The following POP1 variants were observed in gnomAD, a reference collection of about 807,000 sequenced individuals.
POP1 encodes ribonucleases P/MRP protein subunit POP1.
Under a neutral mutation model 102.2 loss-of-function variants are expected in POP1, and 75 were observed. That is an observed-to-expected ratio of 0.73 (90% CI 0.61 to 0.89). The LOEUF (loss-of-function observed/expected upper bound fraction) is 0.89, where lower values mean the gene tolerates loss of function less well. POP1 is among the 40% of genes least tolerant of loss of function. The pLI, the probability that POP1 is intolerant of heterozygous loss-of-function variation, is 0.00. For missense variants in POP1, 1,116 were observed against 1,267.4 expected (o/e 0.88, Z 1.81); for synonymous variants, 436 against 464.1 (o/e 0.94, Z 0.78).
intron 10 of POP1, among the ~76,000 whole-genome samples, 166 bp from the exon 11 acceptor site, chr8:98,140,603 T>A (rs1349359545): frequency 6.6e-6 from 1 of 152,216 alleles, no homozygotes; most frequent in African/African-American, 2.4e-5. Context: ...TTATGAATGT[T>A]AACTTATTCT....
intron 14 of POP1, among the ~76,000 whole-genome samples, chr8:98,153,829 C>T (rs1274382517): frequency 6.6e-6 from 1 of 152,140 alleles, no homozygotes; most frequent in African/African-American, 2.4e-5. Flanking sequence ...AGTCACCGTG[C>T]CCGGCCCTGG....
Position 98,134,467 on chromosome 8 carries a change from G to A in POP1, c.824-5G>A, listed in dbSNP as rs1364580205. ...ATTATGGAATTTTGCTTTTGTTGATGTCAGGGCTGACGTTTGCAGCAGTTC... is the reference window on the plus strand; with the variant it reads ...ATTATGGAATTTTGCTTTTGTTGATATCAGGGCTGACGTTTGCAGCAGTTC... On this transcript the variant is annotated splice_region_variant and splice_polypyrimidine_tract_variant and intron_variant, in intron 6 of 15. Coordinates refer to ENST00000401707, the MANE Select transcript of POP1 (RefSeq NM_001145860.2). The A allele has an allele frequency of 1.9e-6, 3 of 1,613,858 alleles. No individual in the cohort carries two copies. The highest frequency in any genetic ancestry group is 2.2e-5 in the East Asian group (1 of 44,902).
Position 98,156,312 on chromosome 8 carries a change from G to A in POP1, c.2320G>A (p.Asp774Asn), listed in dbSNP as rs747674487. The change falls in exon 15 of 16, where the codon GAT (aspartate) becomes AAT (asparagine). Residue 774 changes from aspartate (D) to asparagine (N), a missense_variant. Coordinates refer to ENST00000401707, the MANE Select transcript of POP1 (RefSeq NM_001145860.2). ...EHPREAEEVMDAGCQESAGPE... is the reference protein window; with the variant it reads ...EHPREAEEVMNAGCQESAGPE... ...CCCCAGGGAGGCAGAGGAGGTAATG[G>A]ATGCAGGGTGTCAAGAATCGGCAGG... 6 of 1,614,060 alleles carry A rather than the reference G, an allele frequency of 3.7e-6. No individual in the cohort carries two copies. In the Admixed American group the frequency reaches 1.0e-4, roughly 27 times the overall value.
At chr8:98,140,742 G>A (rs1367347379) in intron 10 of POP1, 27 bp from the exon 11 acceptor site, 1 of 1,612,008 alleles carries the variant, frequency 6.2e-7, no homozygotes, top group East Asian at 2.2e-5. Context: ...ATGACTTTCT[G>A]TAAACTTCTT....
chr8:98,137,376 C>T (rs1816576215), intron 9 of POP1, among the ~76,000 whole-genome samples: 1 of 151,720 alleles, frequency 6.6e-6, no homozygotes, highest in African/African-American at 2.4e-5. Context: ...GATCTTGGTT[C>T]ACTGCACCCT....
intron 14 of POP1, among the ~76,000 whole-genome samples, chr8:98,155,711 G>T (rs949994765): frequency 6.6e-6 from 1 of 151,668 alleles, no homozygotes; most frequent in African/African-American, 2.4e-5. Flanking sequence ...CCTCCCAGTA[G>T]TTGGGATTAT....
rs773355369 is a variant in POP1, at chr8:98,146,606, C to T, written c.1633C>T (p.Pro545Ser). ...TAGACAGCTGCTTCTGGAGGGTGTG[C>T]CTGTGGAATGTACGCATAGCTTTAT... is the stretch of plus-strand genomic sequence containing the variant. ...KVRQLLLEGVPVECTHSFIWN... is the reference protein window; with the variant it reads ...KVRQLLLEGVSVECTHSFIWN... The change falls in exon 12 of 16, where the codon CCT becomes TCT. Residue 545 changes from proline to serine, a missense_variant. Pro to Ser is a moderately conservative substitution (Grantham distance 74, BLOSUM62 -1). Coordinates refer to ENST00000401707, the MANE Select transcript of POP1 (RefSeq NM_001145860.2). The T allele has an allele frequency of 1.2e-6, 2 of 1,613,920 alleles. No individual in the cohort carries two copies. The highest frequency in any genetic ancestry group is 1.1e-5 in the South Asian group (1 of 91,080).
intron 13 of POP1, among the ~76,000 whole-genome samples, chr8:98,149,746 ACT>A (rs1317976701): frequency 6.6e-6 from 1 of 151,972 alleles, no homozygotes; most frequent in Non-Finnish European, 1.5e-5. Flanking sequence ...ACAGAGCGAG[ACT>A]CTGTCTCAAA....
At chr8:98,128,329 A>G in intron 3 of POP1, 36 bp from the exon 4 acceptor site, 2 of 1,603,244 alleles carry the variant, frequency 1.2e-6, no homozygotes, top group Non-Finnish European at 1.7e-6. Context: ...TTAATTCAAG[A>G]TTGGTGTTTA....
intron 15 of POP1, among the ~76,000 whole-genome samples, chr8:98,156,817 C>T (rs762452018): frequency 4.8e-4 from 73 of 151,966 alleles, no homozygotes; most frequent in Admixed American, 2.5e-3. Flanking sequence ...GAGAGGCTAC[C>T]GGATACACTA....
intron 1 of POP1, among the ~76,000 whole-genome samples, chr8:98,121,587 G>A (rs535760062): frequency 2.8e-5 from 4 of 142,470 alleles, no homozygotes; most frequent in East Asian, 2.0e-4. Flanking sequence ...TGATCATCTC[G>A]GCTCAATGCA....
intron 15 of POP1, among the ~76,000 whole-genome samples, chr8:98,157,257 ATTCT>A (rs1420996792): frequency 2.0e-5 from 3 of 152,066 alleles, no homozygotes; most frequent in Non-Finnish European, 2.9e-5. Context: ...ATTTCCTATC[ATTCT>A]TTCTTACTTT....
At chr8:98,139,383 G>A (rs1236327109) in intron 9 of POP1, among the ~76,000 whole-genome samples, 1 of 152,096 alleles carries the variant, frequency 6.6e-6, no homozygotes, top group African/African-American at 2.4e-5. Flanking sequence ...TTTTCCTTTG[G>A]TGAGGAACAT....
chr8:98,117,334 G>T lies in POP1; in HGVS notation c.-59G>T. On this transcript the variant is annotated 5_prime_UTR_variant, in exon 1 of 16. Transcript: ENST00000401707. ...GCTCTCCAGGAGCTTTGGCTCGGTG[G>T]GTACTGTCGCGGAGGCTTGTCATTC... The T allele has an allele frequency of 1.8e-6, 1 of 554,362 alleles. No individual in the cohort carries two copies. Among genetic ancestry groups the T allele is most frequent in the Non-Finnish European group, 3.2e-6 (1 of 309,238 alleles). The allele number at this position is 554,362 out of a possible 1,614,324, so 34.3% of individuals were successfully genotyped here.
intron 1 of POP1, among the ~76,000 whole-genome samples, chr8:98,122,610 A>G (rs2130574285): frequency 6.6e-6 from 1 of 152,322 alleles, no homozygotes; most frequent in Admixed American, 6.5e-5. Context: ...CCTGGGTTCA[A>G]AATCTATTCA....
At chr8:98,138,847 CTTTTTTTT>C (rs369408285) in intron 9 of POP1, among the ~76,000 whole-genome samples, 5,442 of 130,852 alleles carry the variant, frequency 0.042, 138 homozygotes, top group Middle Eastern at 0.18. Flanking sequence ...GTTATGATTG[CTTTTTTTT>C]TTTTTTTTTT....
chr8:98,130,564 A>G (rs141124552), intron 5 of POP1, among the ~76,000 whole-genome samples: 15 of 152,290 alleles, frequency 9.8e-5, no homozygotes, highest in African/African-American at 3.6e-4. Context: ...GGGGGAAGGC[A>G]GAAGGAAGCC....
At chr8:98,140,731 A>C in intron 10 of POP1, 38 bp from the exon 11 acceptor site, 1 of 1,605,064 alleles carries the variant, frequency 6.2e-7, no homozygotes, top group Non-Finnish European at 8.5e-7. Context: ...ATGTATTATG[A>C]ATGACTTTCT....
rs569918587 is a variant in POP1, at chr8:98,124,446, C to T, written c.142+967C>T. Among the ~76,000 whole-genome samples, 90 of 152,184 alleles carry T rather than the reference C, an allele frequency of 5.9e-4. 1 individual carries two copies. The highest frequency in any genetic ancestry group is 2.1e-3 in the African/African-American group (88 of 41,534). On this transcript the variant is annotated intron_variant, in intron 2 of 15. Coordinates refer to ENST00000401707, the MANE Select transcript of POP1 (RefSeq NM_001145860.2). ...ACATGGTGGTGTGTGCCTGTAGTCC[C>T]TGCCACTTGGGAGGCTGAGGCAGGA...
Sources: allele counts gnomAD v4.1 joint callset (sites outside exome capture counted in the v4.1 genomes callset), GRCh38; gene constraint gnomAD v4.1.1; transcripts MANE v1.5; gene names NCBI Gene and HGNC (gene_info 2026-07-23, HGNC 2026-07-21).